Variants in OLA1 observed in about 807,000 individuals in gnomAD.
OLA1 encodes obg-like ATPase 1.
Under a neutral mutation model 48.4 loss-of-function variants are expected in OLA1, and 14 were observed. That is an observed-to-expected ratio of 0.29 (90% confidence interval 0.19 to 0.45). The LOEUF is 0.45. Among genes scored for constraint, OLA1 ranks in the 20% least tolerant of loss-of-function variants. The pLI, the probability that OLA1 is intolerant of heterozygous loss-of-function variation, is 1.00. For synonymous variants in OLA1, 127 were observed against 150.4 expected (o/e 0.84, Z 1.14); for missense variants, 325 against 467.1 (o/e 0.70, Z 2.80).
intron 2 of OLA1, among the ~76,000 whole-genome samples, chr2:174,235,905 G>C (rs886934735): frequency 6.6e-6 from 1 of 152,134 alleles, no homozygotes; most frequent in Non-Finnish European, 1.5e-5. Flanking sequence ...ATTCCTATGA[G>C]CCACAGTGGA....
intron 3 of OLA1, among the ~76,000 whole-genome samples, chr2:174,229,049 G>T (rs1688673678): frequency 6.6e-6 from 1 of 152,060 alleles, no homozygotes; most frequent in Non-Finnish European, 1.5e-5. Flanking sequence ...GCTAAATTTT[G>T]TATTTTTAGT....
At chr2:174,164,954 G>A (rs987073647) in intron 4 of OLA1, among the ~76,000 whole-genome samples, 3 of 152,178 alleles carry the variant, frequency 2.0e-5, no homozygotes, top group African/African-American at 7.2e-5. Flanking sequence ...TGAAATGCAG[G>A]AAGCCATGTT....
chr2:174,225,128 A>C (rs1172054714), intron 3 of OLA1, among the ~76,000 whole-genome samples: 1 of 152,114 alleles, frequency 6.6e-6, no homozygotes, highest in African/African-American at 2.4e-5. Context: ...GTAATGAGTG[A>C]GTTCTCGCTC....
At chr2:174,113,856 G>C (rs1312886672) in intron 7 of OLA1, among the ~76,000 whole-genome samples, 1 of 151,980 alleles carries the variant, frequency 6.6e-6, no homozygotes, top group Non-Finnish European at 1.5e-5. Context: ...CAAGAACTTG[G>C]GCATGTTTTA....
intron 4 of OLA1, among the ~76,000 whole-genome samples, chr2:174,178,993 A>G (rs1265075422): frequency 2.6e-5 from 4 of 151,914 alleles, no homozygotes; most frequent in Non-Finnish European, 5.9e-5. Flanking sequence ...CTTATTTTGT[A>G]TTGGTTTAGT....
At chr2:174,181,899 C>T (rs1338789837) in intron 4 of OLA1, among the ~76,000 whole-genome samples, 1 of 152,142 alleles carries the variant, frequency 6.6e-6, no homozygotes, top group Admixed American at 6.6e-5. Flanking sequence ...ACTTTTGAAA[C>T]ACCTTGTTTA....
chr2:174,122,101 T>C (rs1329744951), intron 7 of OLA1, among the ~76,000 whole-genome samples: 1 of 152,234 alleles, frequency 6.6e-6, no homozygotes, highest in Non-Finnish European at 1.5e-5. Context: ...TGATGGAGGA[T>C]ACTGACCAGC....
intron 5 of OLA1, among the ~76,000 whole-genome samples, chr2:174,131,991 C>A (rs184812756): frequency 2.3e-4 from 35 of 152,070 alleles, no homozygotes; most frequent in Admixed American, 2.2e-3. Flanking sequence ...TCATCTGGGT[C>A]AGGACATTTC....
intron 4 of OLA1, among the ~76,000 whole-genome samples, chr2:174,168,548 T>A (rs980120346): frequency 6.6e-6 from 1 of 152,144 alleles, no homozygotes; most frequent in Non-Finnish European, 1.5e-5. Flanking sequence ...TTTGAGATTA[T>A]CCAGATGCTG....
At chr2:174,078,718 ATTTT>A (rs1326370456) in intron 10 of OLA1, among the ~76,000 whole-genome samples, 6 of 151,898 alleles carry the variant, frequency 4.0e-5, no homozygotes, top group African/African-American at 1.4e-4. Context: ...AACCTAATTT[ATTTT>A]ATTTTCAATT....
chr2:174,106,977 C>G (rs1685526774), intron 7 of OLA1, among the ~76,000 whole-genome samples: 1 of 152,112 alleles, frequency 6.6e-6, no homozygotes, highest in Non-Finnish European at 1.5e-5. Flanking sequence ...AACATCAGTG[C>G]AGCTACTGTA....
chr2:174,081,335 G>A lies in OLA1; in HGVS notation c.870-87C>T. The A allele has an allele frequency of 5.3e-6, 5 of 949,218 alleles. No homozygotes were observed. The South Asian group carries it at 7.0e-5, about 13-fold the overall frequency. The allele number at this position is 949,218 out of a possible 1,614,324, so 58.8% of individuals were successfully genotyped here. ...GAGCTAAAATTATTCATTTCAAGCAGAAAATGTTAAAGATAGTAGTAAATG... is the reference window on the plus strand; with the variant it reads ...GAGCTAAAATTATTCATTTCAAGCAAAAAATGTTAAAGATAGTAGTAAATG... On this transcript the variant is annotated intron_variant, in intron 8 of 10. Transcript: ENST00000284719.
At chr2:174,097,081 G>A (rs1262102803) in intron 7 of OLA1, among the ~76,000 whole-genome samples, 5 of 152,094 alleles carry the variant, frequency 3.3e-5, no homozygotes, top group Admixed American at 6.5e-5. Flanking sequence ...GGTTGAAACC[G>A]GAAAGCGAAG....
chr2:174,139,027 A>G (rs1300526700), intron 5 of OLA1, among the ~76,000 whole-genome samples: 1 of 152,144 alleles, frequency 6.6e-6, no homozygotes, highest in East Asian at 1.9e-4. Context: ...TTCAAATTTC[A>G]TTTTTCCAAA....
intron 7 of OLA1, among the ~76,000 whole-genome samples, chr2:174,114,049 C>T (rs1163799626): frequency 6.6e-6 from 1 of 151,714 alleles, no homozygotes; most frequent in Non-Finnish European, 1.5e-5. Flanking sequence ...GCTAAATCGG[C>T]CGGGCGCGGT....
At chr2:174,163,757 TA>T (rs1687084303) in intron 4 of OLA1, among the ~76,000 whole-genome samples, 1 of 40,272 alleles carries the variant, frequency 2.5e-5, no homozygotes, top group Non-Finnish European at 4.7e-5. Flanking sequence ...TATATATATA[TA>T]TATATATATA....
At chr2:174,225,131 T>C (rs1289222999) in intron 3 of OLA1, among the ~76,000 whole-genome samples, 5 of 152,190 alleles carry the variant, frequency 3.3e-5, no homozygotes, top group African/African-American at 1.2e-4. Context: ...ATGAGTGAGT[T>C]CTCGCTCTGT....
chr2:174,096,589 T>A (rs770223624), intron 7 of OLA1, among the ~76,000 whole-genome samples: 3 of 152,122 alleles, frequency 2.0e-5, no homozygotes, highest in Non-Finnish European at 4.4e-5. Context: ...AAGGTGAGTA[T>A]CAATTCAAAT....
chr2:174,108,471 C>T lies in OLA1; in HGVS notation c.728+14709G>A, dbSNP rs192822463. Reference sequence around the variant, plus strand: ...AAATAAAAATTATCATAAAATATAACATTTTGGTAACTAACATTAACATCC... The same window carrying T: ...AAATAAAAATTATCATAAAATATAATATTTTGGTAACTAACATTAACATCC... On this transcript the variant is annotated intron_variant, in intron 7 of 10. Transcript: ENST00000284719. Among the ~76,000 whole-genome samples, 102 of 152,162 alleles carry T rather than the reference C, an allele frequency of 6.7e-4. No homozygotes were observed. The Middle Eastern group carries it at 0.027, about 41-fold the overall frequency.
Sources: allele counts gnomAD v4.1 joint callset (sites outside exome capture counted in the v4.1 genomes callset), GRCh38; gene constraint gnomAD v4.1.1; transcripts MANE v1.5; gene names NCBI Gene and HGNC (gene_info 2026-07-23, HGNC 2026-07-21).